ANKRD50: variants seen among roughly 807,000 people sequenced by gnomAD.
ANKRD50 encodes the protein ankyrin repeat domain 50, also known as ankyrin repeat domain-containing protein 50.
ANKRD50 carries 40 observed loss-of-function variants against 112.0 expected under a neutral mutation model. The observed-to-expected ratio is 0.36, with a 90% CI of 0.28 to 0.46. The LOEUF (loss-of-function observed/expected upper bound fraction) is 0.46. Ranked by LOEUF, ANKRD50 falls within the 20% of genes least tolerant of loss-of-function variation. The probability of loss-of-function intolerance (pLI) is 1.00; values close to 1 mark genes in which losing one functional copy is unlikely to be tolerated. For missense variants in ANKRD50, 1,487 were observed against 1,701.7 expected, an observed-to-expected ratio of 0.87 and a Z score of 2.22; for synonymous variants, 613 against 619.1, an observed-to-expected ratio of 0.99 and a Z score of 0.15.
At chr4:124,696,138 A>C (rs896269048) in intron 2 of ANKRD50, among the ~76,000 whole-genome samples, 2 of 152,132 alleles carry the variant, frequency 1.3e-5, no homozygotes, top group African/African-American at 4.8e-5. Flanking sequence ...AGTAGAGTAG[A>C]TGGATAAAAA....
At chr4:124,689,656 C>CTT (rs971022081) in intron 2 of ANKRD50, among the ~76,000 whole-genome samples, 3 of 152,306 alleles carry the variant, frequency 2.0e-5, no homozygotes, top group African/African-American at 7.2e-5. Flanking sequence ...AGACTGCTGA[C>CTT]TTTCATACTG....
intron 2 of ANKRD50, 70 bp from the exon 3 acceptor site, chr4:124,678,975 AT>A: frequency 9.2e-7 from 1 of 1,092,134 alleles, no homozygotes; most frequent in Non-Finnish European, 1.3e-6. Context: ...TTATTCAAAC[AT>A]TAGAGTATTA....
intron 2 of ANKRD50, among the ~76,000 whole-genome samples, chr4:124,683,337 G>C (rs1724935457): frequency 6.6e-6 from 1 of 150,760 alleles, no homozygotes; most frequent in Non-Finnish European, 1.5e-5. Flanking sequence ...ACATATTTTG[G>C]GGGTACGAAA....
At chr4:124,711,995 G>A (rs1725645910) in intron 1 of ANKRD50, among the ~76,000 whole-genome samples, 1 of 152,098 alleles carries the variant, frequency 6.6e-6, no homozygotes, top group Non-Finnish European at 1.5e-5. Context: ...CCGGCCTCCA[G>A]TTTCAGCTGA....
rs902270907 is a variant in ANKRD50, at chr4:124,665,291, T to C, written c.*2227A>G. The C allele has an allele frequency of 1.1e-4, 16 of 152,334 alleles. No individual in the cohort carries two copies. Among genetic ancestry groups the C allele is most frequent in the African/African-American group, 3.9e-4 (16 of 41,418 alleles). The allele number at this position is 152,334 out of a possible 1,614,324, so 9.4% of individuals were successfully genotyped here. On this transcript the variant is annotated 3_prime_UTR_variant, in exon 5 of 5. Coordinates refer to ENST00000504087, the MANE Select transcript of ANKRD50 (RefSeq NM_020337.3). ...ACTTTTGAAAATCGTATTTTTCCAA[T>C]AGGTTCTCTTCCTACCAATTGCTTC...
chr4:124,695,474 C>T (rs1014820805), intron 2 of ANKRD50, among the ~76,000 whole-genome samples: 41 of 152,176 alleles, frequency 2.7e-4, no homozygotes, highest in Admixed American at 1.3e-4. Context: ...GTGTCCTGAA[C>T]ACGAGGCTGA....
At position 124,671,250 on chromosome 4, in the gene ANKRD50, T is replaced by G; in HGVS notation, c.2027A>C (p.Glu676Ala). Residue 676 changes from glutamate to alanine, a missense_variant, in exon 4 of 5, where the codon GAA (glutamate) becomes GCA (alanine). Glu to Ala is a moderately radical substitution (Grantham distance 107). This residue lies in a region of ANKRD50 where 1,046 missense variants were observed against 1,269.5 expected (regional missense o/e 0.82). Transcript: ENST00000504087. ...TGCTGCTATCAAAGCAGTTCTACCT[T>G]CATTATCAGCTTTGTTCACTTCAGC... ...HGAEVNKADN[E>A]GRTALIAAAY... is the part of the protein sequence containing the mutation. 1 of 1,613,816 alleles carries G rather than the reference T, an allele frequency of 6.2e-7. No individual in the cohort carries two copies. The highest frequency in any genetic ancestry group is 1.1e-5 in the South Asian group (1 of 91,080).
intron 2 of ANKRD50, among the ~76,000 whole-genome samples, chr4:124,691,661 A>G (rs893913872): frequency 4.6e-5 from 7 of 152,152 alleles, no homozygotes; most frequent in Non-Finnish European, 5.9e-5. Flanking sequence ...TAAACAGTAC[A>G]CTTAAAACAT....
rs1378829107 is a variant in ANKRD50 at position 124,669,876 on chromosome 4, T to G, written c.3401A>C (p.Lys1134Thr). 2 of 1,613,174 alleles carry G rather than the reference T, an allele frequency of 1.2e-6. No individual in the cohort carries two copies. The highest frequency in any genetic ancestry group is 1.7e-6 in the Non-Finnish European group (2 of 1,179,720). ...ACCAGTACTACCAGAGCTATTTGAT[T>G]TAATTGTTAATGACTGCACTTTTGA... ...LSSKVQSLTI[K>T]SNSSGSTGGG... The change falls in exon 4 of 5, where the codon AAA (lysine) becomes ACA (threonine). Residue 1134 changes from lysine to threonine, a missense_variant. Transcript: ENST00000504087.
intron 2 of ANKRD50, among the ~76,000 whole-genome samples, chr4:124,698,063 T>C (rs1725291375): frequency 6.6e-6 from 1 of 152,108 alleles, no homozygotes. Context: ...TGAGTAGTAG[T>C]TGAAGAATGA....
Position 124,710,000 on chromosome 4 carries a change from C to A in ANKRD50, c.512G>T (p.Arg171Met). 6.2e-7 allele frequency: 1 copy of A among 1,603,460 alleles called. No individual in the cohort carries two copies. Among genetic ancestry groups the A allele is most frequent in the Non-Finnish European group, 8.5e-7 (1 of 1,173,490 alleles). The change falls in exon 2 of 5, where the codon AGG becomes ATG. Residue 171 changes from arginine to methionine, a missense_variant and splice_region_variant. By Grantham distance (91) the Arg-to-Met change is moderately conservative (BLOSUM62 -1). This residue lies in a region of ANKRD50 where 1,046 missense variants were observed against 1,269.5 expected (regional missense o/e 0.82). Transcript: ENST00000504087. ...CERNPAEAFK[R>M]CVLLPLLGMK... is the part of the protein sequence containing the mutation. ...AACACCATGACATTTTTATTGTTAC[C>A]TTTTAAATGCTTCGGCTGGGTTTCT...
chr4:124,691,923 A>G (rs1232346573), intron 2 of ANKRD50, among the ~76,000 whole-genome samples: 1 of 152,248 alleles, frequency 6.6e-6, no homozygotes, highest in Non-Finnish European at 1.5e-5. Context: ...AAAATGCTCC[A>G]AAGTCTGAAA....
chr4:124,697,864 TTATGTCAGG>T (rs1725287069), intron 2 of ANKRD50, among the ~76,000 whole-genome samples: 1 of 151,024 alleles, frequency 6.6e-6, no homozygotes, highest in African/African-American at 2.4e-5. Context: ...AGGAGATGAG[TTATGTCAGG>T]TATTTCTGCT....
At position 124,671,170 on chromosome 4, in the gene ANKRD50, C is replaced by A. The variant is rs1201026390; in HGVS notation, c.2107G>T (p.Val703Leu). 6.2e-7 allele frequency: 1 copy of A among 1,613,802 alleles called. No individual in the cohort carries two copies. Among genetic ancestry groups the A allele is most frequent in the Admixed American group, 1.7e-5 (1 of 59,968 alleles). ...CTGCCATCAACATCCTCATGATTTA[C>A]TTCTGCTCCATGGTCCAGTAGGTGT... Reference protein sequence around the residue: ...VEHLLDHGAEVNHEDVDGRTA... With the variant: ...VEHLLDHGAELNHEDVDGRTA... The change falls in exon 4 of 5, where the codon GTA (valine) becomes TTA (leucine). Residue 703 changes from valine to leucine, a missense_variant. Around this residue, in one of 2 missense-constraint regions of ANKRD50, gnomAD observed 1,046 missense variants for 1,269.5 expected, o/e 0.82. Transcript: ENST00000504087.
At chr4:124,695,357 A>G (rs1007291742) in intron 2 of ANKRD50, among the ~76,000 whole-genome samples, 1 of 152,214 alleles carries the variant, frequency 6.6e-6, no homozygotes, top group Non-Finnish European at 1.5e-5. Context: ...TTAGTTACAG[A>G]CTAAGAATCA....
At chr4:124,678,629 T>C in intron 3 of ANKRD50, 47 bp downstream of exon 3, 1 of 1,531,168 alleles carries the variant, frequency 6.5e-7, no homozygotes, top group Non-Finnish European at 9.0e-7. Flanking sequence ...AGAAACTAGT[T>C]CATTAATGAA....
intron 2 of ANKRD50, among the ~76,000 whole-genome samples, chr4:124,686,176 T>C (rs971056666): frequency 2.0e-5 from 3 of 152,206 alleles, no homozygotes; most frequent in Non-Finnish European, 4.4e-5. Flanking sequence ...TACTATTAGA[T>C]AATAGATGAA....
intron 2 of ANKRD50, among the ~76,000 whole-genome samples, chr4:124,694,109 G>A (rs555901722): frequency 6.6e-6 from 1 of 152,044 alleles, no homozygotes; most frequent in South Asian, 2.1e-4. Context: ...AGTGGAACAG[G>A]AAAAAACAAC....
Position 124,704,584 on chromosome 4 carries a change from T to G in ANKRD50, c.512+5416A>C, listed in dbSNP as rs186640058. Among the ~76,000 whole-genome samples, 272 of 152,364 alleles carry G rather than the reference T, an allele frequency of 1.8e-3. 1 individual carries two copies. Among genetic ancestry groups the G allele is most frequent in the Non-Finnish European group, 3.0e-3 (204 of 68,038 alleles). On this transcript the variant is annotated intron_variant, in intron 2 of 4. Transcript: ENST00000504087. The stretch of plus-strand genomic sequence containing the variant: ...CATAACATTTCAATTTCCTTTCTTA[T>G]TCAAGAGCTTCAGCCTTCTTTCAAT...
Sources: gnomAD v4.1 joint callset for allele counts (sites outside exome capture counted in the v4.1 genomes callset) on GRCh38, gnomAD v4.1.1 for gene constraint, gnomAD v4.1.1 regional missense constraint, MANE v1.5 for transcripts, NCBI Gene and HGNC (gene_info 2026-07-23, HGNC 2026-07-21) for gene names.